Variants in ABCC1 observed in about 807,000 individuals in gnomAD.
The protein encoded by ABCC1 is ATP binding cassette subfamily C member 1 (ABCC1 blood group), also known as multidrug resistance-associated protein 1.
ABCC1 carries 83 observed loss-of-function variants against 172.9 expected under a neutral mutation model. The observed-to-expected ratio is 0.48, with a 90% CI of 0.40 to 0.58. The LOEUF is 0.58. Among genes scored for constraint, ABCC1 ranks in the 20% least tolerant of loss-of-function variants. The pLI is 0.00. For synonymous variants in ABCC1, 937 were observed against 825.2 expected (o/e 1.14, Z -2.32); for missense variants, 1,817 against 2,002.7 (o/e 0.91, Z 1.77).
chr16:16,111,261 G>T, intron 21 of ABCC1, 114 bp from the exon 22 acceptor site: 1 of 836,628 alleles, frequency 1.2e-6, no homozygotes. Flanking sequence ...CTACGTAGGA[G>T]CAAAGGCAGG....
rs530417320 is a variant in ABCC1 at position 16,018,401 on chromosome 16, T to C, written c.615+1780T>C. ...CCATCTCTGCTAAAAATACAAAAATTAGCCAGGCATGGTGGTGCATGCTTG... is the reference window on the plus strand; with the variant it reads ...CCATCTCTGCTAAAAATACAAAAATCAGCCAGGCATGGTGGTGCATGCTTG... On this transcript the variant is annotated intron_variant, in intron 5 of 30. Coordinates refer to ENST00000399410, the MANE Select transcript of ABCC1 (RefSeq NM_004996.4). Among the ~76,000 whole-genome samples, 22 of 152,016 alleles carry C rather than the reference T, an allele frequency of 1.4e-4. No individual in the cohort carries two copies. In the East Asian group the frequency reaches 1.9e-3, roughly 13 times the overall value.
At chr16:16,111,302 C>T in intron 21 of ABCC1, 73 bp from the exon 22 acceptor site, 1 of 1,286,664 alleles carries the variant, frequency 7.8e-7, no homozygotes. Context: ...GGTGAAGCCC[C>T]CGACCTTGTG....
At chr16:16,087,705 C>T (rs952686850) in intron 18 of ABCC1, among the ~76,000 whole-genome samples, 6 of 152,240 alleles carry the variant, frequency 3.9e-5, no homozygotes, top group South Asian at 2.1e-4. Flanking sequence ...GTGATCTGCC[C>T]GCCTGGGTCT....
chr16:16,060,432 C>G (rs2049861696), intron 12 of ABCC1, among the ~76,000 whole-genome samples: 1 of 152,188 alleles, frequency 6.6e-6, no homozygotes, highest in Non-Finnish European at 1.5e-5. Flanking sequence ...AGATCACTTC[C>G]AGCTCCAATG....
At chr16:16,062,581 T>G (rs2049962518) in intron 12 of ABCC1, among the ~76,000 whole-genome samples, 1 of 152,166 alleles carries the variant, frequency 6.6e-6, no homozygotes, top group South Asian at 2.1e-4. Flanking sequence ...GAGACAGAGT[T>G]TGTTGAGCTG....
intron 19 of ABCC1, among the ~76,000 whole-genome samples, chr16:16,092,684 G>T (rs377432143): frequency 6.6e-6 from 1 of 152,270 alleles, no homozygotes; most frequent in South Asian, 2.1e-4. Flanking sequence ...CATGAGCCCT[G>T]GTGGTTTTAA....
intron 1 of ABCC1, among the ~76,000 whole-genome samples, chr16:15,950,989 C>T (rs1402032696): frequency 6.6e-6 from 1 of 151,996 alleles, no homozygotes; most frequent in Non-Finnish European, 1.5e-5. Context: ...TGATATATCT[C>T]CCATTTTAAG....
At chr16:15,977,540 C>T (rs1179275166) in intron 1 of ABCC1, among the ~76,000 whole-genome samples, 1 of 151,808 alleles carries the variant, frequency 6.6e-6, no homozygotes, top group Non-Finnish European at 1.5e-5. Flanking sequence ...CCAGCTTATA[C>T]CCCCTAAGCT....
chr16:16,077,952 G>C (rs1419311151), intron 15 of ABCC1, among the ~76,000 whole-genome samples: 3 of 152,224 alleles, frequency 2.0e-5, no homozygotes, highest in African/African-American at 7.2e-5. Context: ...GAGGTCAGCA[G>C]TTCGAGACCA....
At chr16:16,125,179 T>C (rs964317695) in intron 25 of ABCC1, among the ~76,000 whole-genome samples, 4 of 152,212 alleles carry the variant, frequency 2.6e-5, no homozygotes, top group African/African-American at 9.7e-5. Flanking sequence ...GGAATGCTTT[T>C]AAAGCTATGA....
chr16:16,118,262 A>T (rs1016241372), intron 23 of ABCC1, among the ~76,000 whole-genome samples: 1 of 152,150 alleles, frequency 6.6e-6, no homozygotes, highest in Non-Finnish European at 1.5e-5. Context: ...ACCACGCTGC[A>T]CAGCTGTTCA....
chr16:16,014,671 G>T, intron 4 of ABCC1, 43 bp downstream of exon 4: 1 of 1,608,194 alleles, frequency 6.2e-7, no homozygotes, highest in Non-Finnish European at 8.5e-7. Context: ...AGTGGACCCG[G>T]AGGGAGAGAT....
rs975840889 is a variant in ABCC1, at chr16:16,134,635, T to C, written c.4125+127T>C. The C allele has an allele frequency of 2.9e-5, 32 of 1,119,196 alleles. 1 individual carries two copies. Among genetic ancestry groups the C allele is most frequent in the Non-Finnish European group, 3.4e-5 (28 of 816,344 alleles). 69.3% of individuals were successfully genotyped at this position (1,119,196 alleles called of 1,614,324 possible). On this transcript the variant is annotated intron_variant, in intron 28 of 30. Transcript: ENST00000399410. ...CCCTACTTCATCGTTCTTTTTTTTT[T>C]TTTTTTTTTTTTTTTTCCTGAAACA...
intron 29 of ABCC1, among the ~76,000 whole-genome samples, chr16:16,137,269 T>C (rs45439802): frequency 6.6e-6 from 1 of 152,122 alleles, no homozygotes; most frequent in Admixed American, 6.5e-5. Context: ...GTCAGCTGGC[T>C]GTTGGCTGAT....
chr16:15,972,430 G>A (rs554881957), intron 1 of ABCC1, among the ~76,000 whole-genome samples: 28 of 152,152 alleles, frequency 1.8e-4, no homozygotes, highest in Non-Finnish European at 4.0e-4. Flanking sequence ...TAGTGATGCA[G>A]GGTTGTTAGG....
At chr16:16,099,332 G>A (rs1158112918) in intron 19 of ABCC1, among the ~76,000 whole-genome samples, 1 of 152,222 alleles carries the variant, frequency 6.6e-6, no homozygotes, top group Non-Finnish European at 1.5e-5. Context: ...ATCAGCGCCT[G>A]TTGGGGAACT....
chr16:16,113,987 C>G (rs1426732853), intron 22 of ABCC1, among the ~76,000 whole-genome samples: 1 of 152,202 alleles, frequency 6.6e-6, no homozygotes, highest in Admixed American at 6.5e-5. Flanking sequence ...CGCTGATGCT[C>G]AGGAGGTGAC....
chr16:15,961,405 A>T (rs1227005758), intron 1 of ABCC1, among the ~76,000 whole-genome samples: 1 of 152,320 alleles, frequency 6.6e-6, no homozygotes, highest in South Asian at 2.1e-4. Flanking sequence ...TGCAGGAGGA[A>T]GATCTTGTAC....
chr16:15,962,539 G>GT (rs2046157946), intron 1 of ABCC1, among the ~76,000 whole-genome samples: 2 of 152,190 alleles, frequency 1.3e-5, no homozygotes, highest in Non-Finnish European at 2.9e-5. Context: ...AAGGAAAGAG[G>GT]TTTAATTGAC....
Sources: gnomAD v4.1 joint callset for allele counts (sites outside exome capture counted in the v4.1 genomes callset) on GRCh38, gnomAD v4.1.1 for gene constraint, MANE v1.5 for transcripts, NCBI Gene and HGNC (gene_info 2026-07-23, HGNC 2026-07-21) for gene names.